The following ATRNL1 variants were observed in gnomAD, a reference collection of about 807,000 sequenced individuals.
ATRNL1 encodes attractin-like protein 1.
A neutral mutation model predicts 182.7 loss-of-function variants in ATRNL1; 95 were observed. The observed-to-expected ratio is 0.52, with a 90% CI of 0.44 to 0.62. The LOEUF is 0.62. Among genes scored for constraint, ATRNL1 ranks in the 20% least tolerant of loss-of-function variants. ATRNL1 has a pLI of 0.00. For synonymous variants in ATRNL1, 576 were observed against 568.3 expected (o/e 1.01, Z -0.19); for missense variants, 1,471 against 1,679.5 (o/e 0.88, Z 2.17).
chr10:115,885,250 C>A (rs1951916503), intron 28 of ATRNL1, among the ~76,000 whole-genome samples: 1 of 152,162 alleles, frequency 6.6e-6, no homozygotes, highest in Non-Finnish European at 1.5e-5. Context: ...CCATTGTTCT[C>A]AGGGAGATTG....
At chr10:115,636,705 G>A (rs1184741373) in intron 26 of ATRNL1, among the ~76,000 whole-genome samples, 1 of 136,392 alleles carries the variant, frequency 7.3e-6, no homozygotes, top group East Asian at 2.9e-4. Context: ...AATTTAACTA[G>A]ATACTTACTC....
chr10:115,486,519 A>AT (rs1849034026), intron 24 of ATRNL1, among the ~76,000 whole-genome samples: 1 of 151,726 alleles, frequency 6.6e-6, no homozygotes, highest in Admixed American at 6.6e-5. Context: ...TTTTTTTCAT[A>AT]TTTTTGTTGG....
intron 28 of ATRNL1, among the ~76,000 whole-genome samples, chr10:115,930,206 A>G (rs537993823): frequency 9.0e-4 from 137 of 152,270 alleles, no homozygotes; most frequent in African/African-American, 3.1e-3. Flanking sequence ...CAAATTACTT[A>G]AAATTACCAA....
chr10:115,272,364 C>T (rs982750780), intron 13 of ATRNL1, among the ~76,000 whole-genome samples: 11 of 152,186 alleles, frequency 7.2e-5, no homozygotes, highest in African/African-American at 2.7e-4. Context: ...GTACTAGAAG[C>T]AGTCACCCCA....
At chr10:115,447,132 A>T (rs1409340279) in intron 21 of ATRNL1, among the ~76,000 whole-genome samples, 2 of 151,780 alleles carry the variant, frequency 1.3e-5, no homozygotes, top group African/African-American at 4.8e-5. Flanking sequence ...TCTTTTTTTA[A>T]GTTATGGAAA....
intron 21 of ATRNL1, among the ~76,000 whole-genome samples, chr10:115,455,610 G>A (rs552520451): frequency 6.6e-6 from 1 of 152,228 alleles, no homozygotes; most frequent in Non-Finnish European, 1.5e-5. Flanking sequence ...AAAAGCAATT[G>A]CAACAAAAGC....
chr10:115,895,055 G>C, intron 28 of ATRNL1, among the ~76,000 whole-genome samples: 1 of 152,192 alleles, frequency 6.6e-6, no homozygotes, highest in Non-Finnish European at 1.5e-5. Context: ...GTATGCTGAA[G>C]TGGGCTATGT....
intron 10 of ATRNL1, among the ~76,000 whole-genome samples, chr10:115,260,007 T>C (rs1851328932): frequency 6.6e-6 from 1 of 152,214 alleles, no homozygotes; most frequent in African/African-American, 2.4e-5. Flanking sequence ...TTTAGTATAA[T>C]TGAAGATGAT....
At chr10:115,880,134 G>C (rs781948462) in intron 28 of ATRNL1, among the ~76,000 whole-genome samples, 1 of 152,206 alleles carries the variant, frequency 6.6e-6, no homozygotes, top group Non-Finnish European at 1.5e-5. Context: ...GCTTTCAGTA[G>C]AGTGCTTCAC....
At chr10:115,356,560 A>T (rs1554942906) in intron 19 of ATRNL1, among the ~76,000 whole-genome samples, 2 of 152,018 alleles carry the variant, frequency 1.3e-5, no homozygotes, top group Admixed American at 6.6e-5. Context: ...TGCCTTCATT[A>T]TGGGTTACTG....
At chr10:115,628,993 A>C (rs1858305381) in intron 26 of ATRNL1, among the ~76,000 whole-genome samples, 1 of 151,908 alleles carries the variant, frequency 6.6e-6, no homozygotes, top group African/African-American at 2.4e-5. Flanking sequence ...TTTTTATTCC[A>C]TTACTCTCAT....
At chr10:115,369,349 G>C (rs1400004866) in intron 19 of ATRNL1, among the ~76,000 whole-genome samples, 1 of 151,716 alleles carries the variant, frequency 6.6e-6, no homozygotes, top group African/African-American at 2.4e-5. Context: ...CTGTGAAGGG[G>C]ATAGGATTCT....
At chr10:115,502,911 C>G (rs1849917437) in intron 24 of ATRNL1, among the ~76,000 whole-genome samples, 2 of 152,204 alleles carry the variant, frequency 1.3e-5, no homozygotes, top group South Asian at 2.1e-4. Context: ...AAGGCCCTAA[C>G]AGTCTCACAT....
At chr10:115,506,969 A>C (rs540428361) in intron 24 of ATRNL1, among the ~76,000 whole-genome samples, 1 of 152,110 alleles carries the variant, frequency 6.6e-6, no homozygotes, top group Non-Finnish European at 1.5e-5. Context: ...TTTTGATGAC[A>C]TGTGCCCAAA....
chr10:115,418,397 TAGTC>T (rs1845499823), intron 20 of ATRNL1, among the ~76,000 whole-genome samples: 1 of 151,754 alleles, frequency 6.6e-6, no homozygotes, highest in South Asian at 2.1e-4. Context: ...TTTGAGAACA[TAGTC>T]AGAGGTGAAA....
At chr10:115,143,170 C>T (rs1005695134) in intron 5 of ATRNL1, among the ~76,000 whole-genome samples, 60 of 152,286 alleles carry the variant, frequency 3.9e-4, no homozygotes, top group Non-Finnish European at 3.1e-4. Context: ...AAAGACTGAA[C>T]TGTGGGTCAC....
At chr10:115,160,415 T>C (rs1554883011) in intron 6 of ATRNL1, among the ~76,000 whole-genome samples, 1 of 151,972 alleles carries the variant, frequency 6.6e-6, no homozygotes, top group Admixed American at 6.6e-5. Context: ...CATGTAGAAA[T>C]GTTATTACTT....
chr10:115,408,496 G>A (rs1320962161), intron 20 of ATRNL1, among the ~76,000 whole-genome samples: 3 of 152,164 alleles, frequency 2.0e-5, no homozygotes, highest in Non-Finnish European at 4.4e-5. Context: ...CAGATGAATA[G>A]TTTGCAACCC....
chr10:115,672,457 C>T (rs1207587958), intron 26 of ATRNL1, among the ~76,000 whole-genome samples: 1 of 152,020 alleles, frequency 6.6e-6, no homozygotes, highest in Non-Finnish European at 1.5e-5. Flanking sequence ...TAAATTGAAT[C>T]CTAAATTATA....
Sources: allele counts gnomAD v4.1 joint callset (sites outside exome capture counted in the v4.1 genomes callset), GRCh38; gene constraint gnomAD v4.1.1; transcripts MANE v1.5; gene names NCBI Gene and HGNC (gene_info 2026-07-23, HGNC 2026-07-21).